WWOX: variants seen among roughly 807,000 people sequenced by gnomAD.
WWOX encodes the protein WW domain-containing oxidoreductase.
Under a neutral mutation model 46.2 loss-of-function variants are expected in WWOX, and 69 were observed. The ratio of observed to expected loss-of-function variants is 1.49; its 90% CI spans 1.23 to 1.82. The LOEUF (loss-of-function observed/expected upper bound fraction) is 1.82, where lower values mean the gene tolerates loss of function less well. WWOX is among the 40% of genes most tolerant of loss of function. WWOX has a pLI of 0.00. For synonymous variants in WWOX, 359 were observed against 202.6 expected, an observed-to-expected ratio of 1.77 and a Z score of -6.56; for missense variants, 919 against 542.6, an observed-to-expected ratio of 1.69 and a Z score of -6.89.
intron 5 of WWOX, among the ~76,000 whole-genome samples, chr16:78,307,158 C>T (rs1393669148): frequency 6.6e-6 from 1 of 152,170 alleles, no homozygotes; most frequent in African/African-American, 2.4e-5. Context: ...TAAGCAGCAT[C>T]TGTTAGAAAA....
At chr16:79,043,099 C>G (rs2048002818) in intron 8 of WWOX, among the ~76,000 whole-genome samples, 1 of 152,224 alleles carries the variant, frequency 6.6e-6, no homozygotes, top group South Asian at 2.1e-4. Flanking sequence ...GTGGTAGATG[C>G]TTCCTGGACA....
At chr16:78,938,813 G>C (rs2045794546) in intron 8 of WWOX, among the ~76,000 whole-genome samples, 1 of 152,142 alleles carries the variant, frequency 6.6e-6, no homozygotes, top group Non-Finnish European at 1.5e-5. Context: ...GGGCTGGCGA[G>C]GAGAGCAGTC....
intron 8 of WWOX, among the ~76,000 whole-genome samples, chr16:79,188,342 G>A (rs1030735317): frequency 7.9e-5 from 12 of 152,046 alleles, no homozygotes; most frequent in Non-Finnish European, 1.3e-4. Context: ...AGTCGTGACC[G>A]GTGTGGCCAA....
At chr16:78,989,887 A>G (rs989801424) in intron 8 of WWOX, among the ~76,000 whole-genome samples, 2 of 151,010 alleles carry the variant, frequency 1.3e-5, no homozygotes, top group East Asian at 1.9e-4. Context: ...ATGGAGGGAA[A>G]GAGAGGCGGG....
chr16:78,601,629 C>G (rs182774917), intron 8 of WWOX, among the ~76,000 whole-genome samples: 1 of 152,068 alleles, frequency 6.6e-6, no homozygotes, highest in Non-Finnish European at 1.5e-5. Context: ...TAATGTAAAT[C>G]AAGAAGCTAT....
At chr16:79,181,728 G>A (rs548995538) in intron 8 of WWOX, among the ~76,000 whole-genome samples, 1 of 152,078 alleles carries the variant, frequency 6.6e-6, no homozygotes, top group East Asian at 1.9e-4. Context: ...GACATACTTG[G>A]AGTTCTAGAA....
At chr16:78,589,657 A>G (rs2045304885) in intron 8 of WWOX, among the ~76,000 whole-genome samples, 1 of 152,210 alleles carries the variant, frequency 6.6e-6, no homozygotes, top group Non-Finnish European at 1.5e-5. Flanking sequence ...ATAGCCCATA[A>G]TTGGGTGATA....
At chr16:78,569,590 T>G (rs2044662833) in intron 8 of WWOX, among the ~76,000 whole-genome samples, 1 of 152,240 alleles carries the variant, frequency 6.6e-6, no homozygotes, top group Admixed American at 6.5e-5. Flanking sequence ...GAAAATTGCC[T>G]TGTTGAAAAA....
chr16:78,465,144 A>G (rs1327315656), intron 8 of WWOX, among the ~76,000 whole-genome samples: 3 of 152,222 alleles, frequency 2.0e-5, no homozygotes, highest in African/African-American at 4.8e-5. Flanking sequence ...GGTCCCTACC[A>G]TGACACATGG....
intron 5 of WWOX, among the ~76,000 whole-genome samples, chr16:78,378,094 A>C (rs1299912702): frequency 6.6e-6 from 1 of 152,098 alleles, no homozygotes; most frequent in Non-Finnish European, 1.5e-5. Flanking sequence ...TCTGTTCTTC[A>C]AGAATCCCCC....
chr16:78,318,430 A>C (rs1280711421), intron 5 of WWOX, among the ~76,000 whole-genome samples: 1 of 152,022 alleles, frequency 6.6e-6, no homozygotes, highest in East Asian at 1.9e-4. Flanking sequence ...CAAGAGCGCA[A>C]TTCTGTCAAA....
intron 8 of WWOX, among the ~76,000 whole-genome samples, chr16:78,784,293 G>T (rs2050402291): frequency 6.6e-6 from 1 of 152,250 alleles, no homozygotes; most frequent in Admixed American, 6.5e-5. Flanking sequence ...GCAGAAAAGA[G>T]ACAGCCAGTC....
chr16:78,952,427 C>T (rs988445719), intron 8 of WWOX, among the ~76,000 whole-genome samples: 40 of 150,544 alleles, frequency 2.7e-4, no homozygotes, highest in Middle Eastern at 3.2e-3. Flanking sequence ...CTGTCCCCCA[C>T]GCTGGAGTAC....
chr16:78,375,906 C>T (rs908039833), intron 5 of WWOX, among the ~76,000 whole-genome samples: 1 of 147,350 alleles, frequency 6.8e-6, no homozygotes, highest in Non-Finnish European at 1.5e-5. Flanking sequence ...GGCTCGAGTG[C>T]AGTGGCATGA....
At chr16:79,095,313 C>T (rs1323318261) in intron 8 of WWOX, among the ~76,000 whole-genome samples, 1 of 152,192 alleles carries the variant, frequency 6.6e-6, no homozygotes, top group Non-Finnish European at 1.5e-5. Context: ...TCAAGGAGCT[C>T]AAACTGCTTT....
chr16:78,454,921 C>T (rs1021758403), intron 8 of WWOX, among the ~76,000 whole-genome samples: 1 of 152,254 alleles, frequency 6.6e-6, no homozygotes, highest in African/African-American at 2.4e-5. Context: ...TTGGCAGTCA[C>T]TGCCCCAATA....
In WWOX at chr16:78,760,122, A is replaced by G. The variant is rs1399494657; in HGVS notation, c.1056+327370A>G. On this transcript the variant is annotated intron_variant, in intron 8 of 8. Transcript: ENST00000566780. ...GATGGACTCACAGTTCCATGTGGCT[A>G]GGGTGGGTGCACAGTCATGGCGGAA... Among the ~76,000 whole-genome samples the G allele has an allele frequency of 4.6e-5, 7 of 152,190 alleles. No individual in the cohort carries two copies. In the East Asian group the frequency reaches 1.2e-3, roughly 25 times the overall value.
intron 5 of WWOX, among the ~76,000 whole-genome samples, chr16:78,329,675 C>A (rs1315174408): frequency 1.3e-5 from 2 of 152,004 alleles, no homozygotes; most frequent in African/African-American, 2.4e-5. Flanking sequence ...CTCTGTTATT[C>A]TTGCCAATGT....
chr16:78,139,878 C>T (rs1365657879), intron 4 of WWOX, among the ~76,000 whole-genome samples: 5 of 152,144 alleles, frequency 3.3e-5, no homozygotes, highest in Non-Finnish European at 7.3e-5. Context: ...GTGCTCAACT[C>T]CAGGCACTTT....
Sources: gnomAD v4.1 joint callset for allele counts (sites outside exome capture counted in the v4.1 genomes callset) on GRCh38, gnomAD v4.1.1 for gene constraint, MANE v1.5 for transcripts, NCBI Gene and HGNC (gene_info 2026-07-23, HGNC 2026-07-21) for gene names.